Variants in IL1RAPL2 observed in about 807,000 individuals in gnomAD.
IL1RAPL2 encodes interleukin 1 receptor accessory protein like 2.
In IL1RAPL2, 3 loss-of-function variants were observed where a neutral mutation model predicts 44.1. That is an observed-to-expected ratio of 0.07 (90% confidence interval 0.03 to 0.18). The LOEUF is 0.18. Ranked by LOEUF, IL1RAPL2 falls within the 10% of genes least tolerant of loss-of-function variation. IL1RAPL2 has a pLI of 1.00. For missense variants in IL1RAPL2, 391 were observed against 496.4 expected (o/e 0.79, Z 2.02); for synonymous variants, 181 against 178.8 (o/e 1.01, Z -0.10).
chrX:105,491,250 A>G (rs1034088560), intron 6 of IL1RAPL2, among the ~76,000 whole-genome samples: 8 of 110,763 alleles, frequency 7.2e-5, no homozygotes, highest in African/African-American at 2.6e-4. Flanking sequence ...AATGTGGCAC[A>G]TATACACCAT....
At chrX:105,537,493 A>G (rs976964024) in intron 6 of IL1RAPL2, among the ~76,000 whole-genome samples, 7 of 111,731 alleles carry the variant, frequency 6.3e-5, no homozygotes, top group Non-Finnish European at 1.3e-4. Flanking sequence ...ATTATTCTAT[A>G]TGTTTTCTTT....
chrX:105,036,798 A>G (rs1342249033), intron 2 of IL1RAPL2, among the ~76,000 whole-genome samples: 1 of 112,055 alleles, frequency 8.9e-6, no homozygotes, highest in Non-Finnish European at 1.9e-5. Flanking sequence ...AAAATTAGCC[A>G]TGACAGTGCT....
At chrX:105,545,134 T>G (rs965755310) in intron 6 of IL1RAPL2, among the ~76,000 whole-genome samples, 2 of 112,010 alleles carry the variant, frequency 1.8e-5, no homozygotes, top group Admixed American at 9.5e-5. Flanking sequence ...ATTATTAACC[T>G]ACGTATTTAC....
intron 6 of IL1RAPL2, among the ~76,000 whole-genome samples, chrX:105,599,988 A>G (rs1032120755): frequency 2.7e-5 from 3 of 111,645 alleles, no homozygotes; most frequent in African/African-American, 9.7e-5. Context: ...CTTTAAAACT[A>G]GAATTTTTCT....
chrX:105,177,514 A>G (rs1284400833), intron 2 of IL1RAPL2, among the ~76,000 whole-genome samples: 2 of 111,371 alleles, frequency 1.8e-5, no homozygotes, highest in African/African-American at 3.3e-5. Context: ...ATCGTCTTCC[A>G]TGAAACCAGT....
chrX:105,307,304 C>T (rs779717379), intron 5 of IL1RAPL2, among the ~76,000 whole-genome samples: 2 of 94,302 alleles, frequency 2.1e-5, no homozygotes, highest in Non-Finnish European at 4.1e-5. Context: ...GGCATGGTTA[C>T]ACATGCCTAT....
At chrX:104,656,998 C>T (rs866294162) in intron 1 of IL1RAPL2, among the ~76,000 whole-genome samples, 75 of 110,447 alleles carry the variant, frequency 6.8e-4, no homozygotes, top group Middle Eastern at 4.7e-3. Flanking sequence ...GGATTGCAAC[C>T]CCTGCTTTTT....
intron 6 of IL1RAPL2, 66 bp from the exon 7 acceptor site, chrX:105,717,301 G>A (rs1415318705): frequency 2.0e-6 from 2 of 986,972 alleles, no homozygotes; most frequent in East Asian, 7.0e-5. Context: ...GATGTTAAAT[G>A]GTCGCTTCCT....
In IL1RAPL2 at chrX:105,757,403, G is replaced by A. The variant is rs775378077; in HGVS notation, c.1363+2056G>A. On this transcript the variant is annotated intron_variant, in intron 10 of 10. Transcript: ENST00000372582. ...TTTTACTAGCTTTTCATCTATTTAT[G>A]TCTTTTCTAGCCAGCAAGATTATAA... 1.1e-4 allele frequency among the ~76,000 whole-genome samples: 12 copies of A among 111,787 alleles called. 1 individual carries two copies. Among genetic ancestry groups the A allele is most frequent in the Admixed American group, 7.6e-4 (8 of 10,479 alleles).
At chrX:105,139,218 G>T (rs1425460627) in intron 2 of IL1RAPL2, among the ~76,000 whole-genome samples, 1 of 112,015 alleles carries the variant, frequency 8.9e-6, no homozygotes, top group Non-Finnish European at 1.9e-5. Flanking sequence ...GTAAGACACT[G>T]TGTGTAAAAG....
intron 2 of IL1RAPL2, among the ~76,000 whole-genome samples, chrX:105,083,299 T>A (rs1008756174): frequency 5.4e-5 from 6 of 111,157 alleles, no homozygotes; most frequent in Non-Finnish European, 1.1e-4. Context: ...AATATGGGAT[T>A]ATGTGAAAAG....
At chrX:104,650,112 A>G (rs1388972867) in intron 1 of IL1RAPL2, among the ~76,000 whole-genome samples, 1 of 111,622 alleles carries the variant, frequency 9.0e-6, no homozygotes. Context: ...GGATTTTTAT[A>G]TACTAACCCT....
intron 2 of IL1RAPL2, among the ~76,000 whole-genome samples, chrX:105,037,913 G>T (rs962621259): frequency 1.8e-5 from 2 of 111,700 alleles, no homozygotes; most frequent in African/African-American, 6.5e-5. Flanking sequence ...AGGAGGAGTA[G>T]GAGGGGACAC....
At chrX:104,908,155 G>A (rs1482319787) in intron 2 of IL1RAPL2, among the ~76,000 whole-genome samples, 1 of 111,085 alleles carries the variant, frequency 9.0e-6, no homozygotes, top group African/African-American at 3.3e-5. Context: ...CCATTTGCTT[G>A]GTAGATTTTC....
At chrX:104,870,258 G>A (rs977084850) in intron 2 of IL1RAPL2, among the ~76,000 whole-genome samples, 2 of 112,183 alleles carry the variant, frequency 1.8e-5, no homozygotes, top group Non-Finnish European at 3.8e-5. Flanking sequence ...AACTCTATGA[G>A]GAGATTACTA....
intron 2 of IL1RAPL2, among the ~76,000 whole-genome samples, chrX:104,720,718 T>C (rs1037897724): frequency 3.6e-5 from 4 of 111,664 alleles, no homozygotes; most frequent in Non-Finnish European, 5.7e-5. Context: ...TATACCCCTT[T>C]ATGGTTCATG....
chrX:105,078,837 C>T (rs1306903190), intron 2 of IL1RAPL2, among the ~76,000 whole-genome samples: 23 of 112,634 alleles, frequency 2.0e-4, no homozygotes, highest in Non-Finnish European at 2.4e-4. Flanking sequence ...AAGCCAGGTG[C>T]GGGATATAAT....
At chrX:104,894,003 A>C (rs771473618) in intron 2 of IL1RAPL2, among the ~76,000 whole-genome samples, 4 of 111,084 alleles carry the variant, frequency 3.6e-5, no homozygotes, top group African/African-American at 9.8e-5. Context: ...ATCTCTCAGC[A>C]TTTGCTTGTC....
intron 2 of IL1RAPL2, among the ~76,000 whole-genome samples, chrX:104,805,249 C>T (rs924669822): frequency 7.2e-5 from 8 of 111,623 alleles, no homozygotes; most frequent in South Asian, 3.8e-4. Context: ...ATTATTGGAA[C>T]GCTAAGCATG....
Sources: allele counts gnomAD v4.1 joint callset (sites outside exome capture counted in the v4.1 genomes callset), GRCh38; gene constraint gnomAD v4.1.1; transcripts MANE v1.5; gene names NCBI Gene and HGNC (gene_info 2026-07-23, HGNC 2026-07-21).